Variants in MTSS1 observed in about 807,000 individuals in gnomAD.
MTSS1 encodes MTSS I-BAR domain containing 1.
MTSS1 carries 18 observed loss-of-function variants against 79.0 expected under a neutral mutation model. The ratio of observed to expected loss-of-function variants is 0.23; its 90% CI spans 0.16 to 0.34. The LOEUF is 0.34. Among genes scored for constraint, MTSS1 ranks in the 10% least tolerant of loss-of-function variants. MTSS1 has a pLI of 1.00. For missense variants in MTSS1, 815 were observed against 986.2 expected (o/e 0.83, Z 2.33); for synonymous variants, 341 against 368.6 (o/e 0.93, Z 0.86).
chr8:124,688,135 A>C (rs1453336508), intron 3 of MTSS1, among the ~76,000 whole-genome samples: 2 of 152,142 alleles, frequency 1.3e-5, no homozygotes, highest in African/African-American at 2.4e-5. Context: ...AACATTTGGG[A>C]ATCAAAAAAC....
At chr8:124,555,714 T>A in intron 13 of MTSS1, 28 bp downstream of exon 13, 1 of 1,566,774 alleles carries the variant, frequency 6.4e-7, no homozygotes, top group Non-Finnish European at 8.6e-7. Flanking sequence ...TCAGAAAGCC[T>A]AAGTGCACAC....
At chr8:124,653,418 A>T (rs1239960745) in intron 3 of MTSS1, among the ~76,000 whole-genome samples, 2 of 152,216 alleles carry the variant, frequency 1.3e-5, no homozygotes, top group Non-Finnish European at 2.9e-5. Context: ...AGAAAAGATC[A>T]TATTTGCTAA....
intron 6 of MTSS1, among the ~76,000 whole-genome samples, chr8:124,574,804 T>G (rs1417383690): frequency 1.3e-5 from 2 of 151,990 alleles, no homozygotes; most frequent in Non-Finnish European, 2.9e-5. Context: ...CGGAGAGAGG[T>G]GTATGGAGAA....
At chr8:124,680,349 G>T (rs980193594) in intron 3 of MTSS1, among the ~76,000 whole-genome samples, 2 of 152,182 alleles carry the variant, frequency 1.3e-5, no homozygotes, top group African/African-American at 4.8e-5. Context: ...TCCGAACGGG[G>T]TCCTCATCCC....
intron 12 of MTSS1, 80 bp from the exon 13 acceptor site, chr8:124,555,984 C>G (rs1028902390): frequency 1.9e-6 from 3 of 1,569,170 alleles, no homozygotes; most frequent in Admixed American, 1.8e-5. Flanking sequence ...CCCGTGAGCA[C>G]TACATGTCTG....
In MTSS1 at chr8:124,710,056, G is replaced by T. The variant is rs151316902; in HGVS notation, c.73-5865C>A. ...GAAGGAAAAGTACTTCTGGTAGGGG[G>T]TGCAGCTGACACAAAAGGAGGCAGG... On this transcript the variant is annotated intron_variant, in intron 1 of 13. Coordinates refer to ENST00000518547, the MANE Select transcript of MTSS1 (RefSeq NM_014751.6). 8.4e-3 allele frequency among the ~76,000 whole-genome samples: 1,276 copies of T among 152,336 alleles called. 21 individuals carry two copies. The highest frequency in any genetic ancestry group is 0.03 in the African/African-American group (1,232 of 41,576).
intron 3 of MTSS1, among the ~76,000 whole-genome samples, chr8:124,651,944 G>A (rs528647360): frequency 4.6e-5 from 7 of 152,040 alleles, no homozygotes; most frequent in African/African-American, 1.7e-4. Flanking sequence ...CAGAAAGCCC[G>A]GTTGTGTCAA....
At chr8:124,726,941 C>A (rs1161432728) in intron 1 of MTSS1, among the ~76,000 whole-genome samples, 2 of 152,216 alleles carry the variant, frequency 1.3e-5, no homozygotes, top group Non-Finnish European at 2.9e-5. Context: ...CCAGCCAGCT[C>A]GCGCGGCTGG....
At chr8:124,591,086 T>G (rs1217833847) in intron 4 of MTSS1, 65 bp downstream of exon 4, 3 of 1,341,904 alleles carry the variant, frequency 2.2e-6, no homozygotes, top group South Asian at 1.2e-5. Context: ...GTGCCACACA[T>G]GACTGCTTCC....
At chr8:124,615,289 G>A (rs1029887623) in intron 3 of MTSS1, among the ~76,000 whole-genome samples, 12 of 151,768 alleles carry the variant, frequency 7.9e-5, no homozygotes, top group African/African-American at 2.9e-4. Flanking sequence ...GCGGTGGAAA[G>A]GATTAAAAGT....
At chr8:124,718,190 T>C (rs1266294552) in intron 1 of MTSS1, among the ~76,000 whole-genome samples, 1 of 151,898 alleles carries the variant, frequency 6.6e-6, no homozygotes, top group Non-Finnish European at 1.5e-5. Context: ...TTTTCTTCCA[T>C]TAACTTTACG....
intron 1 of MTSS1, among the ~76,000 whole-genome samples, chr8:124,714,393 G>A (rs918463565): frequency 1.3e-5 from 2 of 152,170 alleles, no homozygotes; most frequent in East Asian, 1.9e-4. Context: ...CCTCACGCCC[G>A]GTTAACTGCA....
chr8:124,694,324 C>T (rs940064495), intron 3 of MTSS1, among the ~76,000 whole-genome samples: 7 of 151,998 alleles, frequency 4.6e-5, no homozygotes, highest in Non-Finnish European at 1.0e-4. Flanking sequence ...GTGTGACTCT[C>T]ATTTTCATCT....
chr8:124,658,228 C>T (rs1027778629), intron 3 of MTSS1, among the ~76,000 whole-genome samples: 17 of 152,240 alleles, frequency 1.1e-4, no homozygotes, highest in African/African-American at 3.6e-4. Flanking sequence ...GTGGGAAGGA[C>T]CAGGTGGGAG....
At chr8:124,712,558 A>C (rs1831326671) in intron 1 of MTSS1, among the ~76,000 whole-genome samples, 2 of 152,146 alleles carry the variant, frequency 1.3e-5, no homozygotes, top group African/African-American at 4.8e-5. Context: ...TTCCCCACCC[A>C]ATCCTGCAAG....
chr8:124,665,739 T>C (rs1822936407), intron 3 of MTSS1, among the ~76,000 whole-genome samples: 1 of 152,114 alleles, frequency 6.6e-6, no homozygotes, highest in African/African-American at 2.4e-5. Flanking sequence ...TGGTGGCGCA[T>C]GCCTGTAATC....
At chr8:124,605,617 C>G (rs137882296) in intron 3 of MTSS1, among the ~76,000 whole-genome samples, 16 of 140,524 alleles carry the variant, frequency 1.1e-4, no homozygotes, top group African/African-American at 2.7e-4. Context: ...CCTCGCGCTG[C>G]CTCCCTCCCT....
chr8:124,567,204 G>A (rs1826683833), intron 7 of MTSS1, 26 bp from the exon 8 acceptor site: 3 of 1,505,960 alleles, frequency 2.0e-6, no homozygotes, highest in Non-Finnish European at 2.8e-6. Context: ...TTCATGAAAT[G>A]TTATTATCAT....
Position 124,719,274 on chromosome 8 carries a change from T to C in MTSS1, c.72+8610A>G, listed in dbSNP as rs565154106. ...TTACTAAGACTACCTCGCTGGGTGG[T>C]TGGAAGATTAAATAAGTTTGTGTCA... On this transcript the variant is annotated intron_variant, in intron 1 of 13. Transcript: ENST00000518547. Among the ~76,000 whole-genome samples the C allele has an allele frequency of 3.9e-5, 6 of 152,292 alleles. No individual in the cohort carries two copies. In the East Asian group the frequency reaches 1.2e-3, roughly 29 times the overall value.
Sources: allele counts gnomAD v4.1 joint callset (sites outside exome capture counted in the v4.1 genomes callset), GRCh38; gene constraint gnomAD v4.1.1; transcripts MANE v1.5; gene names NCBI Gene and HGNC (gene_info 2026-07-23, HGNC 2026-07-21).